GRM5: variants seen among roughly 807,000 people sequenced by gnomAD.
GRM5 encodes metabotropic glutamate receptor 5.
GRM5 carries 19 observed loss-of-function variants against 83.1 expected under a neutral mutation model. The observed-to-expected ratio is 0.23, with a 90% CI of 0.16 to 0.34. The LOEUF is 0.34. GRM5 is among the 10% of genes least tolerant of loss of function. The pLI, the probability that GRM5 is intolerant of heterozygous loss-of-function variation, is 1.00. For missense variants in GRM5, 1,160 were observed against 1,588.3 expected (o/e 0.73, Z 4.58); for synonymous variants, 675 against 633.6 (o/e 1.07, Z -0.98).
intron 2 of GRM5, among the ~76,000 whole-genome samples, chr11:88,859,664 C>T (rs1944530034): frequency 6.6e-6 from 1 of 152,054 alleles, no homozygotes; most frequent in Admixed American, 6.6e-5. Flanking sequence ...GCTCTTTGCC[C>T]TCCATATATT....
At chr11:88,973,930 G>T (rs1939245252) in intron 2 of GRM5, among the ~76,000 whole-genome samples, 1 of 152,050 alleles carries the variant, frequency 6.6e-6, no homozygotes, top group Non-Finnish European at 1.5e-5. Flanking sequence ...ATTAAGTAAA[G>T]GTTAAAAGCT....
chr11:88,697,934 T>A (rs1940939173), intron 3 of GRM5, among the ~76,000 whole-genome samples: 1 of 152,218 alleles, frequency 6.6e-6, no homozygotes, highest in Non-Finnish European at 1.5e-5. Flanking sequence ...TCATATGTAA[T>A]CCAGTATCAA....
chr11:88,798,383 G>A (rs961058438), intron 3 of GRM5, among the ~76,000 whole-genome samples: 3 of 152,100 alleles, frequency 2.0e-5, no homozygotes, highest in Admixed American at 6.5e-5. Flanking sequence ...ATTTGTTGCT[G>A]GAAATTCTTG....
chr11:88,659,142 T>A (rs1331674601), intron 3 of GRM5, among the ~76,000 whole-genome samples: 1 of 152,086 alleles, frequency 6.6e-6, no homozygotes, highest in Non-Finnish European at 1.5e-5. Context: ...ACCTCCAAAC[T>A]TGTGGGGCAT....
chr11:88,987,415 C>T (rs1245110480), intron 2 of GRM5, among the ~76,000 whole-genome samples: 9 of 151,848 alleles, frequency 5.9e-5, no homozygotes, highest in Admixed American at 3.3e-4. Flanking sequence ...AACTGCAAGG[C>T]GGCAGCGAGG....
chr11:88,987,150 G>T (rs187771782), intron 2 of GRM5, among the ~76,000 whole-genome samples: 51 of 152,072 alleles, frequency 3.4e-4, no homozygotes, highest in African/African-American at 1.2e-3. Flanking sequence ...CAGTGGGTGC[G>T]CGCACCGTGC....
intron 4 of GRM5, among the ~76,000 whole-genome samples, chr11:88,611,037 A>G (rs184169747): frequency 2.0e-3 from 300 of 152,248 alleles, no homozygotes; most frequent in African/African-American, 6.9e-3. Flanking sequence ...TGCGTATGTT[A>G]AACCAACCAT....
At chr11:88,789,167 C>A (rs1413322096) in intron 3 of GRM5, among the ~76,000 whole-genome samples, 2 of 152,096 alleles carry the variant, frequency 1.3e-5, no homozygotes, top group African/African-American at 2.4e-5. Context: ...TCTCCAATTC[C>A]AGCATCTGGA....
intron 9 of GRM5, among the ~76,000 whole-genome samples, chr11:88,512,626 C>T (rs1375183887): frequency 2.6e-5 from 4 of 152,040 alleles, no homozygotes; most frequent in African/African-American, 7.2e-5. Context: ...TCCTAAAATC[C>T]GGTTCTTATT....
chr11:88,755,324 A>G (rs1288506606), intron 3 of GRM5, among the ~76,000 whole-genome samples: 2 of 152,104 alleles, frequency 1.3e-5, no homozygotes, highest in Non-Finnish European at 2.9e-5. Context: ...CATAAAGTAG[A>G]ACGACTTGGT....
chr11:88,847,660 A>G (rs774554072), intron 3 of GRM5, among the ~76,000 whole-genome samples: 7 of 152,154 alleles, frequency 4.6e-5, no homozygotes, highest in African/African-American at 1.4e-4. Flanking sequence ...AGTAAGGAAG[A>G]CCTAACAAAA....
intron 2 of GRM5, among the ~76,000 whole-genome samples, chr11:89,031,626 A>G (rs551098900): frequency 7.2e-5 from 11 of 152,128 alleles, no homozygotes; most frequent in East Asian, 3.9e-4. Context: ...TATTATGTAT[A>G]TAGCTGCTTT....
chr11:89,009,919 A>AAAAAC (rs1565333889), intron 2 of GRM5, among the ~76,000 whole-genome samples: 93 of 126,422 alleles, frequency 7.4e-4, no homozygotes, highest in Middle Eastern at 3.8e-3. Context: ...AAAAAAAAAA[A>AAAAAC]AAAAAAAAAA....
In GRM5 at chr11:88,701,366, T is replaced by G. The variant is rs550916211; in HGVS notation, c.912-47963A>C. Among the ~76,000 whole-genome samples the G allele has an allele frequency of 2.6e-5, 4 of 152,222 alleles. No individual in the cohort carries two copies. The South Asian group carries it at 8.3e-4, about 32-fold the overall frequency. On this transcript the variant is annotated intron_variant, in intron 3 of 9. Transcript: ENST00000305447. ...CATGGTGATCAGGAAGTCAGACCTC[T>G]CAGGGATGACATTCTGGGTCACAAT... is the stretch of plus-strand genomic sequence containing the variant.
intron 8 of GRM5, among the ~76,000 whole-genome samples, chr11:88,553,605 T>C (rs1433828729): frequency 6.6e-6 from 1 of 152,090 alleles, no homozygotes; most frequent in African/African-American, 2.4e-5. Flanking sequence ...AAAATTAAGA[T>C]GGATGGTATA....
chr11:88,777,675 C>T (rs1446948665), intron 3 of GRM5, among the ~76,000 whole-genome samples: 1 of 152,100 alleles, frequency 6.6e-6, no homozygotes, highest in East Asian at 1.9e-4. Flanking sequence ...GTTAGTTTTC[C>T]TTCTAACAGT....
At chr11:88,741,903 G>C (rs1370139815) in intron 3 of GRM5, among the ~76,000 whole-genome samples, 1 of 151,892 alleles carries the variant, frequency 6.6e-6, no homozygotes, top group East Asian at 1.9e-4. Flanking sequence ...AGCAGCAACA[G>C]GAACATACAC....
At chr11:88,582,342 A>G (rs914068092) in intron 7 of GRM5, among the ~76,000 whole-genome samples, 1 of 152,160 alleles carries the variant, frequency 6.6e-6, no homozygotes, top group African/African-American at 2.4e-5. Flanking sequence ...TGTATGCATT[A>G]TATGTATAAT....
intron 3 of GRM5, among the ~76,000 whole-genome samples, chr11:88,705,794 T>A (rs1259076108): frequency 6.6e-6 from 1 of 152,022 alleles, no homozygotes; most frequent in East Asian, 1.9e-4. Flanking sequence ...ATTATTTCCC[T>A]TAGGATCAAA....
Sources: gnomAD v4.1 joint callset for allele counts (sites outside exome capture counted in the v4.1 genomes callset) on GRCh38, gnomAD v4.1.1 for gene constraint, MANE v1.5 for transcripts, NCBI Gene and HGNC (gene_info 2026-07-23, HGNC 2026-07-21) for gene names.